The following KIAA0825 variants were observed in gnomAD, a reference collection of about 807,000 sequenced individuals.
The protein encoded by KIAA0825 is uncharacterized protein KIAA0825.
Under a neutral mutation model 147.6 loss-of-function variants are expected in KIAA0825, and 119 were observed. The ratio of observed to expected loss-of-function variants is 0.81; its 90% CI spans 0.69 to 0.94. The LOEUF is 0.94. Among genes scored for constraint, KIAA0825 ranks in the 40% least tolerant of loss-of-function variants. The pLI is 0.00. For missense variants in KIAA0825, 1,381 were observed against 1,472.7 expected (o/e 0.94, Z 1.02); for synonymous variants, 470 against 518.1 (o/e 0.91, Z 1.26).
At chr5:94,550,412 C>A (rs1278449652) in intron 2 of KIAA0825, among the ~76,000 whole-genome samples, 2 of 152,176 alleles carry the variant, frequency 1.3e-5, no homozygotes, top group Non-Finnish European at 2.9e-5. Flanking sequence ...CCAACTGACA[C>A]CGCAAGACCC....
chr5:94,585,262 C>A (rs763361492), intron 1 of KIAA0825, among the ~76,000 whole-genome samples: 7 of 152,164 alleles, frequency 4.6e-5, no homozygotes, highest in Non-Finnish European at 1.0e-4. Context: ...GATAAAGAGT[C>A]AAGACCCATT....
chr5:94,394,175 C>T (rs1750314145), intron 17 of KIAA0825, among the ~76,000 whole-genome samples: 1 of 152,086 alleles, frequency 6.6e-6, no homozygotes, highest in Non-Finnish European at 1.5e-5. Context: ...AGTGCCCAAA[C>T]TCTGTAAGAG....
At chr5:94,461,847 C>T (rs1759880103) in intron 12 of KIAA0825, among the ~76,000 whole-genome samples, 1 of 151,870 alleles carries the variant, frequency 6.6e-6, no homozygotes. Flanking sequence ...CGTATTCTAA[C>T]CTCCTCTATA....
chr5:94,610,957 T>C (rs1342170507), intron 1 of KIAA0825, among the ~76,000 whole-genome samples: 1 of 151,934 alleles, frequency 6.6e-6, no homozygotes, highest in Non-Finnish European at 1.5e-5. Flanking sequence ...GAATTAGCTG[T>C]GCTCCCTGGA....
chr5:94,229,387 C>G (rs1468518274), intron 20 of KIAA0825, among the ~76,000 whole-genome samples: 1 of 152,004 alleles, frequency 6.6e-6, no homozygotes, highest in Non-Finnish European at 1.5e-5. Flanking sequence ...AAGATCTTCT[C>G]TTTATCCCCA....
chr5:94,171,273 T>C (rs574098049), intron 20 of KIAA0825, among the ~76,000 whole-genome samples: 1 of 152,238 alleles, frequency 6.6e-6, no homozygotes, highest in South Asian at 2.1e-4. Flanking sequence ...CAAGCTCTTC[T>C]TTTGCCTGCC....
chr5:94,606,367 A>G (rs1787491029), intron 1 of KIAA0825, among the ~76,000 whole-genome samples: 2 of 152,192 alleles, frequency 1.3e-5, no homozygotes, highest in Non-Finnish European at 2.9e-5. Flanking sequence ...TTCCTATCAA[A>G]CCACCAATGA....
chr5:94,450,035 G>A (rs1396460427), intron 13 of KIAA0825, among the ~76,000 whole-genome samples: 1 of 151,960 alleles, frequency 6.6e-6, no homozygotes, highest in East Asian at 1.9e-4. Flanking sequence ...ATCCAAGATC[G>A]TGCCATTGGA....
intron 20 of KIAA0825, among the ~76,000 whole-genome samples, chr5:94,248,410 A>G (rs1775742162): frequency 6.6e-6 from 1 of 152,130 alleles, no homozygotes; most frequent in African/African-American, 2.4e-5. Flanking sequence ...GTACTTAGTA[A>G]TCACTTGGCA....
chr5:94,517,700 T>C (rs1184939852), intron 5 of KIAA0825, among the ~76,000 whole-genome samples: 2 of 150,676 alleles, frequency 1.3e-5, no homozygotes, highest in Non-Finnish European at 3.0e-5. Context: ...ATTAAATTTA[T>C]TTTAAATTAT....
chr5:94,512,005 A>G lies in KIAA0825; in HGVS notation c.970+8243T>C, dbSNP rs1429432857. ...ACTCTGTCTCAAAAAAAAAATAATA[A>G]TAATAAAATAAAAAATATTTGACTT... On this transcript the variant is annotated intron_variant, in intron 5 of 20. Transcript: ENST00000682413. Among the ~76,000 whole-genome samples, 3 of 152,048 alleles carry G rather than the reference A, an allele frequency of 2.0e-5. No individual in the cohort carries two copies. In the East Asian group the frequency reaches 5.8e-4, roughly 29 times the overall value.
chr5:94,407,780 C>T (rs1022172259), intron 15 of KIAA0825, among the ~76,000 whole-genome samples: 2 of 152,130 alleles, frequency 1.3e-5, no homozygotes, highest in Non-Finnish European at 2.9e-5. Flanking sequence ...TGTGAATCTA[C>T]TAAAAACCAC....
chr5:94,594,085 C>G, intron 1 of KIAA0825: 1 of 542,304 alleles, frequency 1.8e-6, no homozygotes, highest in Non-Finnish European at 3.8e-6. Flanking sequence ...ATTGGATCCT[C>G]TTATGTTAGT....
intron 20 of KIAA0825, among the ~76,000 whole-genome samples, chr5:94,274,261 G>C (rs1264211233): frequency 1.3e-5 from 2 of 152,050 alleles, no homozygotes; most frequent in African/African-American, 4.8e-5. Context: ...TGAGATGGTT[G>C]AACTATCTCT....
intron 3 of KIAA0825, among the ~76,000 whole-genome samples, chr5:94,536,310 C>A (rs549055787): frequency 6.6e-6 from 1 of 152,282 alleles, no homozygotes; most frequent in South Asian, 2.1e-4. Context: ...AAAAGAAATG[C>A]TATGTATCAT....
At chr5:94,245,565 G>T in intron 20 of KIAA0825, among the ~76,000 whole-genome samples, 1 of 151,862 alleles carries the variant, frequency 6.6e-6, no homozygotes. Context: ...AGTCTGAATT[G>T]ACCAAGTTCT....
At chr5:94,403,832 A>G (rs2150627702) in intron 15 of KIAA0825, 39 bp from the exon 16 acceptor site, 1 of 1,504,832 alleles carries the variant, frequency 6.6e-7, no homozygotes, top group Non-Finnish European at 9.0e-7. Flanking sequence ...AGCAGAACCT[A>G]GCAAATCAGT....
At chr5:94,387,437 T>C (rs1434483518) in intron 18 of KIAA0825, among the ~76,000 whole-genome samples, 1 of 152,172 alleles carries the variant, frequency 6.6e-6, no homozygotes, top group East Asian at 1.9e-4. Context: ...TTCACACCTG[T>C]AATCCCAGCA....
At chr5:94,324,920 A>T (rs1433870945) in intron 20 of KIAA0825, among the ~76,000 whole-genome samples, 2 of 152,062 alleles carry the variant, frequency 1.3e-5, no homozygotes, top group African/African-American at 4.8e-5. Context: ...AATTCATTAA[A>T]ATGATACCTG....
Sources: gnomAD v4.1 joint callset for allele counts (sites outside exome capture counted in the v4.1 genomes callset) on GRCh38, gnomAD v4.1.1 for gene constraint, MANE v1.5 for transcripts, NCBI Gene and HGNC (gene_info 2026-07-23, HGNC 2026-07-21) for gene names.